Variants in PCCA observed in about 807,000 individuals in gnomAD.
PCCA encodes the protein propionyl-CoA carboxylase alpha chain, mitochondrial.
PCCA carries 74 observed loss-of-function variants against 101.3 expected under a neutral mutation model. The observed-to-expected ratio is 0.73, with a 90% confidence interval of 0.61 to 0.89. The LOEUF is 0.89. Ranked by LOEUF, PCCA falls within the 40% of genes least tolerant of loss-of-function variation. PCCA has a pLI of 0.00. For missense variants in PCCA, 891 were observed against 907.0 expected, an observed-to-expected ratio of 0.98 and a Z score of 0.23; for synonymous variants, 294 against 313.6, an observed-to-expected ratio of 0.94 and a Z score of 0.66.
rs1281449669 is a variant in PCCA, at chr13:100,400,630, C to CTTTTTTTTTTTTTTTTTTTTT, written c.1747-24986_1747-24985insTTTTTTTTTTTTTTTTTTTTT. ...TGATTGATCTTAGTTCTTTTTAGTT[C>CTTTTTTTTTTTTTTTTTTTTT]TTTTTTTTTTTTTTTTTGAGAGTTT... On this transcript the variant is annotated intron_variant, in intron 19 of 23. Coordinates refer to ENST00000376285, the MANE Select transcript of PCCA (RefSeq NM_000282.4). 4.8e-4 allele frequency among the ~76,000 whole-genome samples: 44 copies of CTTTTTTTTTTTTTTTTTTTTT among 90,960 alleles called. 1 individual carries two copies. Among genetic ancestry groups the CTTTTTTTTTTTTTTTTTTTTT allele is most frequent in the African/African-American group, 1.8e-3 (33 of 18,636 alleles). The allele number at this position is 90,960 out of a possible 152,430, so 59.7% of individuals were successfully genotyped here. A position where few individuals can be genotyped will look rare whatever the true frequency, so the allele number is the denominator to read the frequency against.
At chr13:100,407,375 G>A (rs543734179) in intron 19 of PCCA, among the ~76,000 whole-genome samples, 14 of 152,272 alleles carry the variant, frequency 9.2e-5, no homozygotes, top group African/African-American at 2.6e-4. Flanking sequence ...TGAGAAGGCC[G>A]TTAAACGTTC....
chr13:100,476,297 G>C (rs2083416727), intron 21 of PCCA, among the ~76,000 whole-genome samples: 1 of 152,158 alleles, frequency 6.6e-6, no homozygotes, highest in South Asian at 2.1e-4. Context: ...CCTGTGAACT[G>C]ATACTTTGCC....
intron 7 of PCCA, among the ~76,000 whole-genome samples, chr13:100,230,917 G>A (rs1200561569): frequency 6.6e-6 from 1 of 152,138 alleles, no homozygotes; most frequent in Non-Finnish European, 1.5e-5. Context: ...ACCAGAGCTA[G>A]CCCTTCATTT....
chr13:100,526,198 A>G (rs1594151163), intron 22 of PCCA, among the ~76,000 whole-genome samples: 1 of 152,172 alleles, frequency 6.6e-6, no homozygotes, highest in East Asian at 1.9e-4. Flanking sequence ...GACACCCCTG[A>G]TGGGGGCCTC....
chr13:100,378,390 A>G (rs1031442387), intron 19 of PCCA, among the ~76,000 whole-genome samples: 11 of 152,298 alleles, frequency 7.2e-5, no homozygotes, highest in African/African-American at 2.6e-4. Flanking sequence ...TAGTTTGACT[A>G]TAATGTATCA....
Position 100,194,975 on chromosome 13 carries a change from C to T in PCCA, c.469-14357C>T, listed in dbSNP as rs570630478. Among the ~76,000 whole-genome samples the T allele has an allele frequency of 4.6e-5, 7 of 151,920 alleles. No homozygotes were observed. In the South Asian group the frequency reaches 8.3e-4, roughly 18 times the overall value. ...TTCATAGTTATTGTAAGTTATATTCCAAAGTTTAACTGGAAAAATATTATT... is the reference window on the plus strand; with the variant it reads ...TTCATAGTTATTGTAAGTTATATTCTAAAGTTTAACTGGAAAAATATTATT... On this transcript the variant is annotated intron_variant, in intron 6 of 23. Coordinates refer to ENST00000376285, the MANE Select transcript of PCCA (RefSeq NM_000282.4).
intron 8 of PCCA, among the ~76,000 whole-genome samples, chr13:100,247,759 G>A (rs530231312): frequency 1.2e-3 from 179 of 151,958 alleles, no homozygotes; most frequent in African/African-American, 4.0e-3. Context: ...TAAGTAATCC[G>A]CCCACCTCGG....
At chr13:100,239,212 A>G (rs2060978209) in intron 8 of PCCA, among the ~76,000 whole-genome samples, 1 of 152,190 alleles carries the variant, frequency 6.6e-6, no homozygotes, top group South Asian at 2.1e-4. Context: ...TTTTGTTTAC[A>G]TTTAAGGAAA....
At chr13:100,243,157 A>G (rs2061250946) in intron 8 of PCCA, among the ~76,000 whole-genome samples, 1 of 152,192 alleles carries the variant, frequency 6.6e-6, no homozygotes, top group African/African-American at 2.4e-5. Flanking sequence ...TGGCCTCCCA[A>G]AGTGCTGGGA....
chr13:100,529,427 C>T (rs979180124), intron 23 of PCCA, among the ~76,000 whole-genome samples: 9 of 152,176 alleles, frequency 5.9e-5, no homozygotes, highest in African/African-American at 1.7e-4. Context: ...CTGTCTCTTC[C>T]CCACCTCAAG....
Position 100,307,249 on chromosome 13 carries a change from A to T in PCCA, c.1342A>T (p.Met448Leu), listed in dbSNP as rs767060690. ...TGATATTAGCATTTATTATGATCCT[A>T]TGATTTCAAAAGTTAGTTTAATTTC... ...GSDISIYYDP[M>L]ISKLITYGSD... The change falls in exon 15 of 24, where the codon ATG becomes TTG. Residue 448 changes from methionine (M) to leucine (L), a missense_variant. Transcript: ENST00000376285. 3 of 1,599,284 alleles carry T rather than the reference A, an allele frequency of 1.9e-6. No homozygotes were observed. Among genetic ancestry groups the T allele is most frequent in the Admixed American group, 1.7e-5 (1 of 59,978 alleles).
At chr13:100,186,903 A>G (rs2057328706) in intron 6 of PCCA, among the ~76,000 whole-genome samples, 1 of 152,224 alleles carries the variant, frequency 6.6e-6, no homozygotes, top group South Asian at 2.1e-4. Context: ...CAGTGAGTTC[A>G]GGGATGCTGT....
At chr13:100,244,966 C>CGTGA in intron 8 of PCCA, among the ~76,000 whole-genome samples, 2 of 135,654 alleles carry the variant, frequency 1.5e-5, no homozygotes, top group African/African-American at 5.7e-5. Flanking sequence ...TGTGTGTGTG[C>CGTGA]GCAGTAGTAG....
At chr13:100,094,982 C>T (rs1347789022) in intron 1 of PCCA, among the ~76,000 whole-genome samples, 1 of 152,232 alleles carries the variant, frequency 6.6e-6, no homozygotes, top group Non-Finnish European at 1.5e-5. Flanking sequence ...CAAATTCATT[C>T]TCCCACAGTA....
At chr13:100,392,321 C>G (rs1036343021) in intron 19 of PCCA, among the ~76,000 whole-genome samples, 1 of 152,190 alleles carries the variant, frequency 6.6e-6, no homozygotes, top group Non-Finnish European at 1.5e-5. Context: ...CCAAAAAATA[C>G]AGGCAGATAT....
intron 18 of PCCA, among the ~76,000 whole-genome samples, chr13:100,361,116 T>G (rs2074526802): frequency 6.6e-6 from 1 of 151,948 alleles, no homozygotes; most frequent in South Asian, 2.1e-4. Flanking sequence ...ATGGTAGAGA[T>G]CAGTGATTGC....
intron 19 of PCCA, among the ~76,000 whole-genome samples, chr13:100,422,119 T>TTTC (rs1226787642): frequency 1.5e-3 from 124 of 82,140 alleles, no homozygotes; most frequent in Admixed American, 2.2e-3. Flanking sequence ...TCTTTCTTTC[T>TTTC]TTTCTTTCTT....
chr13:100,402,495 T>C (rs941316641), intron 19 of PCCA, among the ~76,000 whole-genome samples: 1 of 152,204 alleles, frequency 6.6e-6, no homozygotes, highest in African/African-American at 2.4e-5. Flanking sequence ...ATCAAGGATC[T>C]GTCGTTCTTC....
intron 17 of PCCA, among the ~76,000 whole-genome samples, chr13:100,334,210 C>T (rs950343339): frequency 3.3e-5 from 5 of 152,202 alleles, no homozygotes; most frequent in Non-Finnish European, 7.3e-5. Flanking sequence ...GGGACTCTCT[C>T]CATGGGAGCT....
Sources: gnomAD v4.1 joint callset for allele counts (sites outside exome capture counted in the v4.1 genomes callset) on GRCh38, gnomAD v4.1.1 for gene constraint, MANE v1.5 for transcripts, NCBI Gene and HGNC (gene_info 2026-07-23, HGNC 2026-07-21) for gene names.